CCSER1: variants seen among roughly 807,000 people sequenced by gnomAD.
The protein encoded by CCSER1 is serine-rich coiled-coil domain-containing protein 1.
In CCSER1, 41 loss-of-function variants were observed where a neutral mutation model predicts 82.0. That is an observed-to-expected ratio of 0.50 (90% confidence interval 0.39 to 0.65). The LOEUF (loss-of-function observed/expected upper bound fraction) is 0.65. CCSER1 is among the 30% of genes least tolerant of loss of function. CCSER1 has a pLI of 0.00. For synonymous variants in CCSER1, 414 were observed against 383.9 expected (o/e 1.08, Z -0.92); for missense variants, 1,119 against 1,064.2 (o/e 1.05, Z -0.72).
intron 1 of CCSER1, among the ~76,000 whole-genome samples, chr4:90,286,014 A>C (rs938319545): frequency 1.3e-5 from 2 of 151,926 alleles, no homozygotes; most frequent in Non-Finnish European, 2.9e-5. Flanking sequence ...GATCTATTTA[A>C]TGTGTTCTGA....
intron 10 of CCSER1, among the ~76,000 whole-genome samples, chr4:91,593,161 T>TAATA (rs1358181299): frequency 1.3e-5 from 2 of 152,180 alleles, no homozygotes; most frequent in Admixed American, 1.3e-4. Flanking sequence ...GTTTTTAATA[T>TAATA]AATAGAATCC....
At chr4:91,566,866 G>A (rs1226274610) in intron 10 of CCSER1, among the ~76,000 whole-genome samples, 1 of 151,780 alleles carries the variant, frequency 6.6e-6, no homozygotes, top group Non-Finnish European at 1.5e-5. Context: ...CTTTTGAATG[G>A]TTTTTCATGT....
intron 3 of CCSER1, among the ~76,000 whole-genome samples, chr4:90,343,338 G>T (rs1315017541): frequency 6.6e-6 from 1 of 152,168 alleles, no homozygotes; most frequent in African/African-American, 2.4e-5. Context: ...CTAGGTGATT[G>T]CAGTAGCCTT....
chr4:90,702,760 A>G (rs915619238), intron 6 of CCSER1, among the ~76,000 whole-genome samples: 40 of 152,152 alleles, frequency 2.6e-4, no homozygotes, highest in African/African-American at 8.9e-4. Context: ...TCATTTGTGT[A>G]GAGGTGTTTA....
intron 1 of CCSER1, among the ~76,000 whole-genome samples, chr4:90,229,741 A>T (rs1415965000): frequency 6.6e-6 from 1 of 152,226 alleles, no homozygotes; most frequent in Non-Finnish European, 1.5e-5. Context: ...ACATGCAGAG[A>T]CACACGTAGG....
intron 10 of CCSER1, among the ~76,000 whole-genome samples, chr4:91,491,941 G>A (rs1195419997): frequency 1.5e-5 from 2 of 136,414 alleles, no homozygotes; most frequent in Admixed American, 8.3e-5. Flanking sequence ...ATAAGTCATT[G>A]CTAATAGTTT....
At chr4:90,710,746 T>C (rs1308367547) in intron 6 of CCSER1, among the ~76,000 whole-genome samples, 1 of 152,186 alleles carries the variant, frequency 6.6e-6, no homozygotes, top group African/African-American at 2.4e-5. Flanking sequence ...TGTAGTATGA[T>C]TTAAAGTCAG....
chr4:90,714,983 G>A (rs1220229320), intron 6 of CCSER1, among the ~76,000 whole-genome samples: 1 of 151,804 alleles, frequency 6.6e-6, no homozygotes, highest in Non-Finnish European at 1.5e-5. Context: ...ATGAGAAAGT[G>A]CCCTGATTCT....
chr4:91,041,233 T>C (rs1021592399), intron 9 of CCSER1, among the ~76,000 whole-genome samples: 1 of 152,194 alleles, frequency 6.6e-6, no homozygotes, highest in African/African-American at 2.4e-5. Context: ...TTCTCATCCC[T>C]GACTTAGAAG....
intron 3 of CCSER1, among the ~76,000 whole-genome samples, chr4:90,349,716 A>T (rs1458910632): frequency 6.9e-6 from 1 of 145,738 alleles, no homozygotes; most frequent in Admixed American, 6.9e-5. Context: ...AACAGTGCTT[A>T]ACTCTATTAA....
At chr4:91,404,975 G>T (rs1752599261) in intron 10 of CCSER1, among the ~76,000 whole-genome samples, 2 of 152,156 alleles carry the variant, frequency 1.3e-5, no homozygotes, top group African/African-American at 2.4e-5. Context: ...TTGTTGATCT[G>T]TCTAATGTTG....
intron 8 of CCSER1, among the ~76,000 whole-genome samples, chr4:90,903,996 G>T (rs1352698607): frequency 6.6e-6 from 1 of 150,966 alleles, no homozygotes; most frequent in Non-Finnish European, 1.5e-5. Context: ...AATTTTTTTT[G>T]ACAGGAAACA....
At position 91,148,335 on chromosome 4, in the gene CCSER1, C is replaced by T. The variant is rs531768027; in HGVS notation, c.2217+62341C>T. Among the ~76,000 whole-genome samples the T allele has an allele frequency of 2.8e-4, 43 of 152,130 alleles. 1 individual carries two copies. In the South Asian group the frequency reaches 8.7e-3, roughly 31 times the overall value. On this transcript the variant is annotated intron_variant, in intron 10 of 10. Transcript: ENST00000509176. The stretch of plus-strand genomic sequence containing the variant: ...CATTGAGCTCTTAAGATATACCACG[C>T]AGAGTTTTCGAAGCTGGAACTCTAT...
At chr4:90,392,347 A>C (rs991031142) in intron 3 of CCSER1, among the ~76,000 whole-genome samples, 2 of 152,072 alleles carry the variant, frequency 1.3e-5, no homozygotes, top group South Asian at 2.1e-4. Context: ...AATTCATATA[A>C]ATTATGAATC....
chr4:91,324,793 C>T (rs1323395713), intron 10 of CCSER1, among the ~76,000 whole-genome samples: 2 of 151,992 alleles, frequency 1.3e-5, no homozygotes, highest in African/African-American at 4.8e-5. Flanking sequence ...CTTAAGCCTT[C>T]AGTGTAGTAT....
At chr4:90,579,172 C>T (rs1781131446) in intron 5 of CCSER1, among the ~76,000 whole-genome samples, 1 of 152,044 alleles carries the variant, frequency 6.6e-6, no homozygotes, top group Non-Finnish European at 1.5e-5. Context: ...TGCTATATTA[C>T]AGGTGTGTCA....
chr4:91,055,876 T>C (rs534881351), intron 9 of CCSER1, among the ~76,000 whole-genome samples: 18 of 149,478 alleles, frequency 1.2e-4, no homozygotes, highest in South Asian at 4.5e-4. Flanking sequence ...TCTGATCACT[T>C]TTCTTCAATC....
intron 10 of CCSER1, among the ~76,000 whole-genome samples, chr4:91,531,961 C>T (rs1365021518): frequency 6.6e-6 from 1 of 152,150 alleles, no homozygotes; most frequent in Non-Finnish European, 1.5e-5. Context: ...GAAATTTCTA[C>T]CTCGGTCTCC....
intron 1 of CCSER1, among the ~76,000 whole-genome samples, chr4:90,199,327 C>T (rs1461615287): frequency 1.3e-5 from 2 of 152,228 alleles, no homozygotes; most frequent in African/African-American, 4.8e-5. Context: ...TGGGCCTCTA[C>T]TTGTTATTTA....
Sources: allele counts gnomAD v4.1 joint callset (sites outside exome capture counted in the v4.1 genomes callset), GRCh38; gene constraint gnomAD v4.1.1; transcripts MANE v1.5; gene names NCBI Gene and HGNC (gene_info 2026-07-23, HGNC 2026-07-21).